The following STXBP5L variants were observed in gnomAD, a reference collection of about 807,000 sequenced individuals.
The protein encoded by STXBP5L is syntaxin-binding protein 5-like.
Under a neutral mutation model 144.5 loss-of-function variants are expected in STXBP5L, and 65 were observed. The ratio of observed to expected loss-of-function variants is 0.45; its 90% CI spans 0.37 to 0.55. The LOEUF (loss-of-function observed/expected upper bound fraction) is 0.55. Ranked by LOEUF, STXBP5L falls within the 20% of genes least tolerant of loss-of-function variation. The pLI is 0.00. For missense variants in STXBP5L, 1,298 were observed against 1,405.5 expected (o/e 0.92, Z 1.22); for synonymous variants, 505 against 469.6 (o/e 1.08, Z -0.97).
In STXBP5L at chr3:121,312,446, C is replaced by CATTTTTTTTT. The variant is rs1468535221; in HGVS notation, c.2111-6029_2111-6028insATTTTTTTTT. Among the ~76,000 whole-genome samples, 4 of 12,754 alleles carry CATTTTTTTTT rather than the reference C, an allele frequency of 3.1e-4. 1 individual carries two copies. Among genetic ancestry groups the CATTTTTTTTT allele is most frequent in the South Asian group, 0.013 (2 of 156 alleles). 8.4% of individuals were successfully genotyped at this position (12,754 alleles called of 152,430 possible). On this transcript the variant is annotated intron_variant, in intron 19 of 26. Coordinates refer to ENST00000471454, the MANE Select transcript of STXBP5L (RefSeq NM_001308330.2). Reference sequence around the variant, plus strand: ...TGTTTTTGACTTAAGGTATGTCAATCTTTTTTTTTTTTTTTTTTTTTTTTT... The same window carrying CATTTTTTTTT: ...TGTTTTTGACTTAAGGTATGTCAATCATTTTTTTTTTTTTTTTTTTTTTTTTTTTTTTTTT...
intron 9 of STXBP5L, among the ~76,000 whole-genome samples, chr3:121,185,618 T>C (rs2047344647): frequency 6.6e-6 from 1 of 152,164 alleles, no homozygotes; most frequent in South Asian, 2.1e-4. Flanking sequence ...AGATATGTGG[T>C]ATTATTTCTG....
chr3:121,240,237 A>G (rs899518516), intron 13 of STXBP5L, among the ~76,000 whole-genome samples: 8 of 152,196 alleles, frequency 5.3e-5, no homozygotes, highest in African/African-American at 1.7e-4. Flanking sequence ...ATTAAAATCT[A>G]TATTTTTAAG....
chr3:121,024,434 T>G (rs1271009351), intron 3 of STXBP5L, among the ~76,000 whole-genome samples: 1 of 152,192 alleles, frequency 6.6e-6, no homozygotes, highest in East Asian at 1.9e-4. Flanking sequence ...ATGCCTCTGG[T>G]TGAGCATTGA....
At chr3:121,349,411 G>A (rs1303541556) in intron 20 of STXBP5L, among the ~76,000 whole-genome samples, 3 of 147,732 alleles carry the variant, frequency 2.0e-5, no homozygotes, top group African/African-American at 5.1e-5. Flanking sequence ...GTGTGGTGTG[G>A]TGCTGAGAAG....
chr3:121,031,223 A>T (rs1354370968), intron 3 of STXBP5L, among the ~76,000 whole-genome samples: 1 of 152,144 alleles, frequency 6.6e-6, no homozygotes, highest in Non-Finnish European at 1.5e-5. Flanking sequence ...TCATTGTAGA[A>T]AGATGACTGA....
chr3:121,376,066 C>T (rs1274386793), intron 20 of STXBP5L, among the ~76,000 whole-genome samples: 1 of 152,184 alleles, frequency 6.6e-6, no homozygotes, highest in Non-Finnish European at 1.5e-5. Flanking sequence ...TAGTTTTATA[C>T]TCTGGAACAA....
chr3:121,031,770 G>C (rs1298441027), intron 3 of STXBP5L, among the ~76,000 whole-genome samples: 2 of 152,094 alleles, frequency 1.3e-5, no homozygotes, highest in African/African-American at 2.4e-5. Context: ...CAGTTAAGGA[G>C]TTGCAATGTG....
chr3:121,379,648 A>C (rs556486595), intron 21 of STXBP5L, among the ~76,000 whole-genome samples: 1 of 152,262 alleles, frequency 6.6e-6, no homozygotes, highest in Non-Finnish European at 1.5e-5. Context: ...GGTTTTTTAA[A>C]TATTATGCTA....
At chr3:121,201,579 A>G (rs2048140187) in intron 9 of STXBP5L, among the ~76,000 whole-genome samples, 1 of 151,356 alleles carries the variant, frequency 6.6e-6, no homozygotes, top group South Asian at 2.1e-4. Flanking sequence ...TATTTTGTAC[A>G]TTAGTTGATG....
chr3:121,153,599 A>T (rs1427896091), intron 8 of STXBP5L, among the ~76,000 whole-genome samples: 1 of 151,904 alleles, frequency 6.6e-6, no homozygotes, highest in Non-Finnish European at 1.5e-5. Context: ...AATACTTTAC[A>T]TGTTCTCTCC....
chr3:121,178,831 AAGGCAGCCAGCAGAATTAGGGAAGAGTC>A (rs1468675181), intron 9 of STXBP5L, among the ~76,000 whole-genome samples: 57 of 152,292 alleles, frequency 3.7e-4, no homozygotes, highest in African/African-American at 1.4e-4. Flanking sequence ...ACCCTGAGGG[AAGGCAGCCAGCAGAATTAGGGAAGAGTC>A]AGGCAGCCAG....
At chr3:121,228,842 A>G (rs2049207997) in intron 11 of STXBP5L, among the ~76,000 whole-genome samples, 1 of 152,200 alleles carries the variant, frequency 6.6e-6, no homozygotes, top group South Asian at 2.1e-4. Context: ...ATGCCACTGC[A>G]CTCCAACCTG....
chr3:121,250,251 T>G (rs1426132132), intron 14 of STXBP5L, among the ~76,000 whole-genome samples: 2 of 151,944 alleles, frequency 1.3e-5, no homozygotes, highest in Non-Finnish European at 2.9e-5. Context: ...TCTCGATGAG[T>G]TTTTATAGAA....
At chr3:121,399,670 T>A (rs1409795859) in intron 22 of STXBP5L, among the ~76,000 whole-genome samples, 3 of 152,258 alleles carry the variant, frequency 2.0e-5, no homozygotes, top group Non-Finnish European at 4.4e-5. Flanking sequence ...AGATTGCTCA[T>A]GCTATTGTTT....
intron 7 of STXBP5L, among the ~76,000 whole-genome samples, chr3:121,130,802 T>C (rs1453284828): frequency 6.6e-6 from 1 of 152,150 alleles, no homozygotes; most frequent in Non-Finnish European, 1.5e-5. Flanking sequence ...ATTAAACAAC[T>C]ATTAGATCAA....
At chr3:120,991,508 G>T (rs1327482320) in intron 3 of STXBP5L, among the ~76,000 whole-genome samples, 4 of 152,180 alleles carry the variant, frequency 2.6e-5, no homozygotes, top group Non-Finnish European at 4.4e-5. Flanking sequence ...TATAAATCAT[G>T]CTACTATAAA....
intron 22 of STXBP5L, among the ~76,000 whole-genome samples, chr3:121,386,498 A>AC (rs1339866736): frequency 6.6e-6 from 1 of 151,994 alleles, no homozygotes; most frequent in African/African-American, 2.4e-5. Context: ...GGTTTGTTGC[A>AC]CCCATCAACT....
chr3:121,057,817 T>G (rs931132372), intron 5 of STXBP5L, among the ~76,000 whole-genome samples: 4 of 152,004 alleles, frequency 2.6e-5, no homozygotes, highest in Non-Finnish European at 5.9e-5. Flanking sequence ...TAATAAAAAT[T>G]TTTAAATTCT....
chr3:121,050,690 A>C (rs889296446), intron 5 of STXBP5L, among the ~76,000 whole-genome samples: 3 of 152,206 alleles, frequency 2.0e-5, no homozygotes, highest in Admixed American at 6.5e-5. Context: ...CGAGCAAAAT[A>C]ACCAGCTAAC....
Sources: gnomAD v4.1 joint callset for allele counts (sites outside exome capture counted in the v4.1 genomes callset) on GRCh38, gnomAD v4.1.1 for gene constraint, MANE v1.5 for transcripts, NCBI Gene and HGNC (gene_info 2026-07-23, HGNC 2026-07-21) for gene names.